Variants in IL7 observed in about 807,000 individuals in gnomAD.
IL7 encodes the protein interleukin 7.
In IL7, 3 loss-of-function variants were observed where a neutral mutation model predicts 21.6. That is an observed-to-expected ratio of 0.14 (90% CI 0.06 to 0.36). The LOEUF (loss-of-function observed/expected upper bound fraction) is 0.36. IL7 is among the 10% of genes least tolerant of loss of function. The pLI, the probability that IL7 is intolerant of heterozygous loss-of-function variation, is 1.00. For missense variants in IL7, 175 were observed against 200.2 expected (o/e 0.87, Z 0.76); for synonymous variants, 62 against 68.1 (o/e 0.91, Z 0.44).
chr8:78,690,176 C>T (rs1810161155), intron 3 of IL7, among the ~76,000 whole-genome samples: 1 of 145,680 alleles, frequency 6.9e-6, no homozygotes, highest in Non-Finnish European at 1.6e-5. Flanking sequence ...GTCCTTTAGT[C>T]AATACCGCAT....
chr8:78,732,355 C>T (rs1317264606), downstream of IL7, among the ~76,000 whole-genome samples: 1 of 151,932 alleles, frequency 6.6e-6, no homozygotes, highest in Non-Finnish European at 1.5e-5. Flanking sequence ...TCATATGGGT[C>T]AAGGAAAGTG....
At position 78,792,628 on chromosome 8, in the gene IL7, C is replaced by T. The variant is rs572620620; in HGVS notation, c.147+5444G>A. On this transcript the variant is annotated intron_variant, in intron 2 of 5. Transcript: ENST00000263851. Reference sequence around the variant, plus strand: ...GTGAAAGATTTGAATAAACAATTCTCCAAAAGAAGATATATAAAATGGCTG... The same window carrying T: ...GTGAAAGATTTGAATAAACAATTCTTCAAAAGAAGATATATAAAATGGCTG... Among the ~76,000 whole-genome samples, 14 of 151,928 alleles carry T rather than the reference C, an allele frequency of 9.2e-5. No homozygotes were observed. In the East Asian group the frequency reaches 2.7e-3, roughly 29 times the overall value.
chr8:78,788,533 C>T (rs931870335), intron 2 of IL7, among the ~76,000 whole-genome samples: 4 of 152,048 alleles, frequency 2.6e-5, no homozygotes, highest in South Asian at 2.1e-4. Context: ...GAATTTTCCA[C>T]CTATTTTTCT....
chr8:78,734,259 T>C (rs894574661), intron 5 of IL7, among the ~76,000 whole-genome samples: 11 of 152,204 alleles, frequency 7.2e-5, no homozygotes, highest in African/African-American at 2.4e-4. Context: ...ATGGAACTTG[T>C]ACCCTAAGGT....
intron 3 of IL7, among the ~76,000 whole-genome samples, chr8:78,706,816 A>C (rs1398315297): frequency 6.6e-6 from 1 of 152,122 alleles, no homozygotes; most frequent in South Asian, 2.1e-4. Flanking sequence ...TTTGCTTCTC[A>C]ATTCAGACTA....
chr8:78,755,678 A>C (rs754806396), intron 2 of IL7, among the ~76,000 whole-genome samples: 3 of 151,970 alleles, frequency 2.0e-5, no homozygotes, highest in Non-Finnish European at 2.9e-5. Flanking sequence ...TCGTATGTTA[A>C]TTTTGTATCT....
chr8:78,689,684 G>A (rs181852599), intron 3 of IL7, among the ~76,000 whole-genome samples: 122 of 151,768 alleles, frequency 8.0e-4, no homozygotes, highest in African/African-American at 2.8e-3. Flanking sequence ...TTAGATTATC[G>A]AGTGAAAGAC....
intron 2 of IL7, among the ~76,000 whole-genome samples, chr8:78,746,210 A>G (rs1482988808): frequency 6.6e-6 from 1 of 152,226 alleles, no homozygotes; most frequent in Non-Finnish European, 1.5e-5. Context: ...TGATGCTTTC[A>G]GTACAGTTTC....
intron 2 of IL7, among the ~76,000 whole-genome samples, chr8:78,790,040 G>T (rs1157584324): frequency 1.3e-5 from 2 of 152,130 alleles, no homozygotes; most frequent in African/African-American, 4.8e-5. Flanking sequence ...AGCTGTCAGT[G>T]CAAAGACAGA....
At chr8:78,701,791 T>C (rs1481218762) in intron 3 of IL7, among the ~76,000 whole-genome samples, 5 of 152,332 alleles carry the variant, frequency 3.3e-5, no homozygotes, top group Non-Finnish European at 7.4e-5. Flanking sequence ...TGAATAGCAT[T>C]TATTGATTTG....
intron 2 of IL7, chr8:78,760,403 G>T (rs1351807194): frequency 1.9e-5 from 30 of 1,602,592 alleles, no homozygotes; most frequent in Non-Finnish European, 2.4e-5. Context: ...ATACACATTA[G>T]GAAAAAACTT....
intron 3 of IL7, among the ~76,000 whole-genome samples, chr8:78,694,547 C>T (rs1057369758): frequency 6.6e-6 from 1 of 152,062 alleles, no homozygotes; most frequent in Non-Finnish European, 1.5e-5. Context: ...ATGTTCAGGT[C>T]GTTATTACAA....
chr8:78,725,381 GT>G (rs1227281447), intron 3 of IL7, among the ~76,000 whole-genome samples: 1 of 145,398 alleles, frequency 6.9e-6, no homozygotes, highest in East Asian at 2.2e-4. Context: ...GTTTGGAGCT[GT>G]TCAGCCAGAA....
intron 2 of IL7, chr8:78,762,206 C>T: frequency 6.3e-7 from 1 of 1,587,172 alleles, no homozygotes; most frequent in South Asian, 1.1e-5. Context: ...AAGAACTGTC[C>T]TATAAGGACC....
downstream of IL7, among the ~76,000 whole-genome samples, chr8:78,675,526 C>G (rs978347864): frequency 4.0e-5 from 6 of 151,826 alleles, no homozygotes; most frequent in Admixed American, 3.3e-4. Context: ...AAAATAATTA[C>G]AAGAAAACTA....
intron 3 of IL7, among the ~76,000 whole-genome samples, chr8:78,704,421 G>A (rs1176356102): frequency 6.7e-6 from 1 of 149,470 alleles, no homozygotes; most frequent in Non-Finnish European, 1.5e-5. Context: ...GTTAAATATT[G>A]GTCCCCAATA....
At chr8:78,762,146 T>C in intron 2 of IL7, 2 of 1,596,940 alleles carry the variant, frequency 1.3e-6, no homozygotes, top group Non-Finnish European at 1.7e-6. Context: ...ACTATGTGGG[T>C]TGTTCAAATG....
intron 2 of IL7, among the ~76,000 whole-genome samples, chr8:78,779,128 T>C (rs1397600524): frequency 1.3e-5 from 2 of 152,246 alleles, no homozygotes; most frequent in Admixed American, 6.5e-5. Context: ...GCTTATCAGC[T>C]TAAGAAGCTT....
At chr8:78,797,699 C>T (rs538153422) in intron 2 of IL7, 1 of 160,650 alleles carries the variant, frequency 6.2e-6, no homozygotes, top group South Asian at 1.9e-4. Flanking sequence ...ATCTATTCAC[C>T]ATAAGTCTTA....
Sources: gnomAD v4.1 joint callset for allele counts (sites outside exome capture counted in the v4.1 genomes callset) on GRCh38, gnomAD v4.1.1 for gene constraint, MANE v1.5 for transcripts, NCBI Gene and HGNC (gene_info 2026-07-23, HGNC 2026-07-21) for gene names.